The following MYO7A variants were observed in gnomAD, a reference collection of about 807,000 sequenced individuals.
MYO7A encodes unconventional myosin-VIIa.
Under a neutral mutation model 263.8 loss-of-function variants are expected in MYO7A, and 210 were observed. The observed-to-expected ratio is 0.80, with a 90% CI of 0.71 to 0.89. The LOEUF (loss-of-function observed/expected upper bound fraction) is 0.89, where lower values mean the gene tolerates loss of function less well. MYO7A is among the 40% of genes least tolerant of loss of function. The probability of loss-of-function intolerance (pLI) is 0.00; values close to 1 mark genes in which losing one functional copy is unlikely to be tolerated. For synonymous variants in MYO7A, 1,239 were observed against 1,197.3 expected, an observed-to-expected ratio of 1.03 and a Z score of -0.72; for missense variants, 2,820 against 2,968.3, an observed-to-expected ratio of 0.95 and a Z score of 1.16.
Position 77,172,736 on chromosome 11 carries a change from C to A in MYO7A, c.1798-12C>A, listed in dbSNP as rs1222113746. 2 of 1,552,188 alleles carry A rather than the reference C, an allele frequency of 1.3e-6. No individual in the cohort carries two copies. The highest frequency in any genetic ancestry group is 1.9e-5 in the Admixed American group (1 of 51,480). ...GCACAGCCCCTCCCATCGCTGCCGT[C>A]CGTCCCCCCAGGGCGCCGAGACCAG... On this transcript the variant is annotated splice_polypyrimidine_tract_variant and intron_variant, in intron 15 of 48. Transcript: ENST00000409709.
At chr11:77,213,151 C>A in intron 47 of MYO7A, 116 bp downstream of exon 47, 3 of 794,518 alleles carry the variant, frequency 3.8e-6, no homozygotes, top group Non-Finnish European at 6.1e-6. Flanking sequence ...GACTCATCCA[C>A]CCATCACGTG....
Position 77,156,670 on chromosome 11 carries a change from G to A in MYO7A, c.481G>A (p.Gly161Arg). Residue 161 changes from glycine to arginine, a missense_variant, in exon 6 of 49, where the codon GGG becomes AGG. By Grantham distance (125) the Gly-to-Arg change is moderately radical. Transcript: ENST00000409709. Reference protein sequence around the residue: ...DQCCIISGESGAGKTESTKLI... With the variant: ...DQCCIISGESRAGKTESTKLI... The stretch of plus-strand genomic sequence containing the variant: ...TCCCTCCCTCTGCAGTGGGGAATCT[G>A]GGGCCGGGAAGACGGAGAGCACAAA... 1 of 1,613,916 alleles carries A rather than the reference G, an allele frequency of 6.2e-7. No individual in the cohort carries two copies. Among genetic ancestry groups the A allele is most frequent in the Non-Finnish European group, 8.5e-7 (1 of 1,179,876 alleles).
intron 4 of MYO7A, 130 bp from the exon 5 acceptor site, chr11:77,155,777 T>C: frequency 9.9e-7 from 1 of 1,009,732 alleles, no homozygotes; most frequent in Non-Finnish European, 1.4e-6. Context: ...TGGCTCCAGG[T>C]CCACCCACAT....
At chr11:77,158,864 T>C (rs1392279555) in intron 9 of MYO7A, among the ~76,000 whole-genome samples, 2 of 152,206 alleles carry the variant, frequency 1.3e-5, no homozygotes, top group African/African-American at 4.8e-5. Context: ...ACCCACTATG[T>C]GCCAGGCTGG....
intron 2 of MYO7A, among the ~76,000 whole-genome samples, chr11:77,141,762 C>G (rs1470722393): frequency 6.6e-6 from 1 of 152,214 alleles, no homozygotes; most frequent in Admixed American, 6.5e-5. Flanking sequence ...CAGGTGTCAG[C>G]TCAGCGATTC....
At chr11:77,157,043 C>A in intron 7 of MYO7A, 39 bp downstream of exon 7, 1 of 1,598,910 alleles carries the variant, frequency 6.3e-7, no homozygotes, top group Non-Finnish European at 8.5e-7. Flanking sequence ...TAGACCCAGG[C>A]CCCTGGCCTC....
intron 15 of MYO7A, among the ~76,000 whole-genome samples, chr11:77,171,512 A>G (rs782110587): frequency 1.3e-5 from 2 of 152,138 alleles, no homozygotes; most frequent in Admixed American, 1.3e-4. Flanking sequence ...TCAGAATCGC[A>G]GGCACTGGCT....
intron 48 of MYO7A, 138 bp downstream of exon 48, chr11:77,214,117 C>T (rs1958024273): frequency 1.6e-6 from 2 of 1,240,464 alleles, no homozygotes; most frequent in South Asian, 2.8e-5. Flanking sequence ...GGGCCAAGGT[C>T]AGGTCAGTTT....
At chr11:77,213,130 A>C in intron 47 of MYO7A, 95 bp downstream of exon 47, 1 of 963,688 alleles carries the variant, frequency 1.0e-6, no homozygotes, top group Non-Finnish European at 1.6e-6. Flanking sequence ...CCTAGCCACC[A>C]TCTATCTCTA....
At chr11:77,139,892 T>C (rs1325983547) in intron 2 of MYO7A, among the ~76,000 whole-genome samples, 1 of 152,136 alleles carries the variant, frequency 6.6e-6, no homozygotes, top group African/African-American at 2.4e-5. Flanking sequence ...TCAAGAACTT[T>C]CCCTAGGGCC....
chr11:77,187,510 G>A (rs1258446652), intron 27 of MYO7A, among the ~76,000 whole-genome samples: 14 of 152,192 alleles, frequency 9.2e-5, no homozygotes, highest in South Asian at 4.2e-4. Flanking sequence ...CTTTAACCCC[G>A]CTGCCGCCAG....
chr11:77,190,897 C>T, intron 30 of MYO7A, 27 bp downstream of exon 30: 1 of 1,526,170 alleles, frequency 6.6e-7, no homozygotes, highest in Middle Eastern at 1.7e-4. Flanking sequence ...GCACCTCCTC[C>T]CGGAAGCACC....
At chr11:77,147,687 G>GC in intron 3 of MYO7A, 111 bp from the exon 4 acceptor site, 1 of 1,406,054 alleles carries the variant, frequency 7.1e-7, no homozygotes, top group Non-Finnish European at 9.7e-7. Context: ...AGAGGTCGAG[G>GC]CCCTTACCCG....
chr11:77,138,909 G>A lies in MYO7A; in HGVS notation c.19-3800G>A, dbSNP rs149121965. On this transcript the variant is annotated intron_variant, in intron 2 of 48. Coordinates refer to ENST00000409709, the MANE Select transcript of MYO7A (RefSeq NM_000260.4). This position sits in a 1 kb window ranked among gnomAD's most constrained non-coding sequence, Gnocchi z 4.9. ...CAGAGTGATCATGAAGATAACGAGC[G>A]GCAAAATGTCCTGAAACAGATTCCT... Among the ~76,000 whole-genome samples, 41 of 152,320 alleles carry A rather than the reference G, an allele frequency of 2.7e-4. 1 individual carries two copies. The highest frequency in any genetic ancestry group is 6.2e-4 in the South Asian group (3 of 4,828).
chr11:77,142,953 G>A (rs1951320391), intron 3 of MYO7A, 131 bp downstream of exon 3: 1 of 749,666 alleles, frequency 1.3e-6, no homozygotes, highest in South Asian at 1.7e-5. Flanking sequence ...CCTCTCAGAT[G>A]CCCCCTTCCA....
Position 77,199,607 on chromosome 11 carries a change from AC to A in MYO7A, c.4642del (p.Leu1548Ter), listed in dbSNP as rs1555100273. The A allele has an allele frequency of 1.9e-6, 3 of 1,599,708 alleles. No individual in the cohort carries two copies. Among genetic ancestry groups the A allele is most frequent in the East Asian group, 2.3e-5 (1 of 44,360 alleles). On this transcript the variant is annotated frameshift_variant, in exon 35 of 49. Coordinates refer to ENST00000409709, the MANE Select transcript of MYO7A (RefSeq NM_000260.4). LOFTEE classifies it high-confidence loss of function. The stretch of plus-strand genomic sequence containing the variant: ...CTGCGCCTCACTCAGGCTGGGCAGG[AC>A]TGACCCCGGCGGGGCCCTGTTCTCC... The part of the protein sequence containing the change: ...CAAPHSGWAG[L>X]TPAGPCSPCW...
chr11:77,179,855 C>G lies in MYO7A; in HGVS notation c.2488C>G (p.Arg830Gly), dbSNP rs797044493. Residue 830 changes from arginine (R) to glycine (G), a missense_variant, in exon 21 of 49, where the codon CGC (arginine) becomes GGC (glycine). Arg to Gly is a moderately radical substitution (Grantham distance 125, BLOSUM62 -2). Coordinates refer to ENST00000409709, the MANE Select transcript of MYO7A (RefSeq NM_000260.4). ...GGCCCGCTGCCGCGCCTATCTGGTG[C>G]GCAAGGCCTTCCGCCACCGCCTCTG... ...FQARCRAYLV[R>G]KAFRHRLWAV... The G allele has an allele frequency of 3.9e-6, 6 of 1,541,892 alleles. No individual in the cohort carries two copies. Among genetic ancestry groups the G allele is most frequent in the Non-Finnish European group, 5.2e-6 (6 of 1,146,816 alleles).
chr11:77,157,407 G>C lies in MYO7A; in HGVS notation c.849+15G>C, dbSNP rs1555064342. On this transcript the variant is annotated intron_variant, in intron 8 of 48. Transcript: ENST00000409709. ...ACTTGGCCATGGTGAGGCCCAGGTG[G>C]GCCCCTGGGTAGGGGGGCACCCACC... 1 of 1,576,272 alleles carries C rather than the reference G, an allele frequency of 6.3e-7. No homozygotes were observed. Among genetic ancestry groups the C allele is most frequent in the Non-Finnish European group, 8.7e-7 (1 of 1,155,388 alleles).
intron 47 of MYO7A, among the ~76,000 whole-genome samples, chr11:77,213,422 G>A (rs955892167): frequency 1.3e-5 from 2 of 152,212 alleles, no homozygotes; most frequent in South Asian, 2.1e-4. Context: ...AAGAGGGCTC[G>A]TGACCACCAT....
Sources: gnomAD v4.1 joint callset for allele counts (sites outside exome capture counted in the v4.1 genomes callset) on GRCh38, gnomAD v4.1.1 for gene constraint, Gnocchi (gnomAD v3.1) non-coding constraint, MANE v1.5 for transcripts, NCBI Gene and HGNC (gene_info 2026-07-23, HGNC 2026-07-21) for gene names.